SLC10A7: variants seen among roughly 807,000 people sequenced by gnomAD.
SLC10A7 encodes sodium/bile acid cotransporter 7.
SLC10A7 carries 29 observed loss-of-function variants against 43.2 expected under a neutral mutation model. The ratio of observed to expected loss-of-function variants is 0.67; its 90% CI spans 0.50 to 0.92. The LOEUF is 0.92. SLC10A7 is among the 40% of genes least tolerant of loss of function. The probability of loss-of-function intolerance (pLI) is 0.00; values close to 1 mark genes in which losing one functional copy is unlikely to be tolerated. For missense variants in SLC10A7, 295 were observed against 403.2 expected, an observed-to-expected ratio of 0.73 and a Z score of 2.30; for synonymous variants, 152 against 144.8, an observed-to-expected ratio of 1.05 and a Z score of -0.35.
chr4:146,405,824 T>C (rs892756053), intron 5 of SLC10A7, among the ~76,000 whole-genome samples: 2 of 152,172 alleles, frequency 1.3e-5, no homozygotes, highest in Admixed American at 1.3e-4. Flanking sequence ...AAGAGTTTTT[T>C]TTTTTTGGCT....
chr4:146,437,778 G>T (rs927701608), intron 5 of SLC10A7, among the ~76,000 whole-genome samples: 2 of 151,992 alleles, frequency 1.3e-5, no homozygotes, highest in East Asian at 1.9e-4. Flanking sequence ...TCTTGATCTA[G>T]TTTTTAAAAA....
chr4:146,426,706 T>C (rs1729381646), intron 5 of SLC10A7, among the ~76,000 whole-genome samples: 1 of 152,074 alleles, frequency 6.6e-6, no homozygotes, highest in Non-Finnish European at 1.5e-5. Context: ...AAACCCCGTC[T>C]CTATTAAAAA....
At chr4:146,515,136 C>T (rs769044433) in intron 2 of SLC10A7, 9 of 702,378 alleles carry the variant, frequency 1.3e-5, no homozygotes, top group Middle Eastern at 2.3e-4. Context: ...TTCGCAGAAT[C>T]GCATTAAGTA....
chr4:146,359,757 A>C (rs1735913995), intron 5 of SLC10A7, among the ~76,000 whole-genome samples: 1 of 152,170 alleles, frequency 6.6e-6, no homozygotes, highest in Non-Finnish European at 1.5e-5. Flanking sequence ...AGCTAAATTG[A>C]TTATAGATAT....
chr4:146,511,806 A>G (rs1325675823), intron 2 of SLC10A7, among the ~76,000 whole-genome samples: 1 of 152,136 alleles, frequency 6.6e-6, no homozygotes, highest in Non-Finnish European at 1.5e-5. Flanking sequence ...AGAAAACTTG[A>G]GCACCAGCAG....
At chr4:146,306,067 G>A (rs761903642) in intron 6 of SLC10A7, 58 bp from the exon 7 acceptor site, 56 of 1,337,614 alleles carry the variant, frequency 4.2e-5, no homozygotes, top group Non-Finnish European at 5.5e-5. Context: ...AAGCATTAGT[G>A]TTTATAAATA....
At chr4:146,325,939 A>C in intron 6 of SLC10A7, 22 bp downstream of exon 6, 1 of 1,603,440 alleles carries the variant, frequency 6.2e-7, no homozygotes, top group Non-Finnish European at 8.5e-7. Flanking sequence ...AAATATATTA[A>C]AGACAACATC....
intron 5 of SLC10A7, among the ~76,000 whole-genome samples, chr4:146,429,775 C>G (rs1412876776): frequency 3.3e-5 from 5 of 151,538 alleles, no homozygotes; most frequent in Non-Finnish European, 7.4e-5. Flanking sequence ...TTTTGAAGGA[C>G]AGCTAGGATA....
At chr4:146,352,721 G>C (rs1269055914) in intron 5 of SLC10A7, among the ~76,000 whole-genome samples, 1 of 110,092 alleles carries the variant, frequency 9.1e-6, no homozygotes, top group African/African-American at 3.7e-5. Context: ...TAGAACTCAG[G>C]ATTAAGAATC....
intron 7 of SLC10A7, among the ~76,000 whole-genome samples, chr4:146,299,482 C>T (rs1247868036): frequency 6.6e-6 from 1 of 152,174 alleles, no homozygotes; most frequent in Non-Finnish European, 1.5e-5. Context: ...GACTGAGTTG[C>T]TACTGGGTAG....
chr4:146,488,023 C>T (rs1041898020), intron 4 of SLC10A7, among the ~76,000 whole-genome samples: 15 of 151,696 alleles, frequency 9.9e-5, no homozygotes, highest in South Asian at 8.3e-4. Flanking sequence ...TCTGTCTCTA[C>T]GAAAAAAAAT....
Position 146,487,398 on chromosome 4 carries a change from C to T in SLC10A7, c.396+16451G>A, listed in dbSNP as rs77679183. Among the ~76,000 whole-genome samples the T allele has an allele frequency of 6.9e-3, 1,055 of 152,242 alleles. 10 individuals are homozygous for T. Among genetic ancestry groups the T allele is most frequent in the African/African-American group, 0.024 (1,007 of 41,536 alleles). ...TGAGCTTCCTTGCACCCTAGAGCTC[C>T]CCACTCCTCAGAATTTTAATTCAGT... On this transcript the variant is annotated intron_variant, in intron 4 of 11. Coordinates refer to ENST00000335472, the MANE Select transcript of SLC10A7 (RefSeq NM_001029998.6).
chr4:146,304,926 G>T (rs1578837520), intron 7 of SLC10A7, among the ~76,000 whole-genome samples: 1 of 151,900 alleles, frequency 6.6e-6, no homozygotes, highest in Non-Finnish European at 1.5e-5. Flanking sequence ...TTATGAATCT[G>T]GGTGCTCCTG....
intron 5 of SLC10A7, among the ~76,000 whole-genome samples, chr4:146,414,209 C>A (rs1728406456): frequency 1.3e-5 from 2 of 152,158 alleles, no homozygotes; most frequent in African/African-American, 4.8e-5. Flanking sequence ...GACTAGGAAA[C>A]AACAGCATTG....
At chr4:146,385,003 A>G (rs1269279217) in intron 5 of SLC10A7, among the ~76,000 whole-genome samples, 2 of 151,966 alleles carry the variant, frequency 1.3e-5, no homozygotes, top group African/African-American at 4.8e-5. Flanking sequence ...TACTGAAAAG[A>G]CTCCTTCAGA....
chr4:146,440,542 T>C (rs1267988253), intron 5 of SLC10A7, among the ~76,000 whole-genome samples: 1 of 152,158 alleles, frequency 6.6e-6, no homozygotes, highest in Non-Finnish European at 1.5e-5. Context: ...CCAAATGTTA[T>C]ATAATAGAGA....
At chr4:146,296,052 A>G (rs753221236) in intron 7 of SLC10A7, among the ~76,000 whole-genome samples, 1 of 152,212 alleles carries the variant, frequency 6.6e-6, no homozygotes, top group Non-Finnish European at 1.5e-5. Context: ...TAAGCAATAC[A>G]GATGTCCCTT....
intron 5 of SLC10A7, among the ~76,000 whole-genome samples, chr4:146,383,242 C>T (rs1393654734): frequency 6.6e-6 from 1 of 152,042 alleles, no homozygotes; most frequent in African/African-American, 2.4e-5. Context: ...TATATAAGAA[C>T]TTAGTGAATT....
chr4:146,274,159 T>C (rs2111068423), intron 10 of SLC10A7, among the ~76,000 whole-genome samples: 1 of 152,084 alleles, frequency 6.6e-6, no homozygotes, highest in South Asian at 2.1e-4. Context: ...TGCTAGGTAT[T>C]TTGGGCACTA....
Sources: gnomAD v4.1 joint callset for allele counts (sites outside exome capture counted in the v4.1 genomes callset) on GRCh38, gnomAD v4.1.1 for gene constraint, MANE v1.5 for transcripts, NCBI Gene and HGNC (gene_info 2026-07-23, HGNC 2026-07-21) for gene names.